RGS6: variants seen among roughly 807,000 people sequenced by gnomAD.
RGS6 encodes the protein regulator of G protein signaling 6.
A neutral mutation model predicts 78.5 loss-of-function variants in RGS6; 30 were observed. The ratio of observed to expected loss-of-function variants is 0.38; its 90% CI spans 0.29 to 0.52. RGS6 has a LOEUF of 0.52. RGS6 is among the 20% of genes least tolerant of loss of function. RGS6 has a pLI of 0.85. For missense variants in RGS6, 495 were observed against 609.7 expected, an observed-to-expected ratio of 0.81 and a Z score of 1.98; for synonymous variants, 206 against 206.0, an observed-to-expected ratio of 1.00 and a Z score of 0.00.
the RGS6 span, among the ~76,000 whole-genome samples, chr14:71,876,929 T>C: frequency 6.6e-6 from 1 of 152,190 alleles, no homozygotes; most frequent in Admixed American, 6.5e-5. Context: ...TCTCCTTCAC[T>C]TATGAAGCTT....
intron 3 of RGS6, among the ~76,000 whole-genome samples, chr14:72,401,902 G>A (rs1053164795): frequency 6.6e-6 from 1 of 152,184 alleles, no homozygotes; most frequent in African/African-American, 2.4e-5. Context: ...GAAACAGATG[G>A]CTCACTAAAG....
chr14:72,501,777 C>T (rs1417644929), intron 13 of RGS6, among the ~76,000 whole-genome samples: 1 of 152,204 alleles, frequency 6.6e-6, no homozygotes, highest in African/African-American at 2.4e-5. Context: ...TTCAGTTTAG[C>T]TCTCCCTCTC....
At chr14:72,082,321 C>T (rs895697030) in intron 2 of RGS6, among the ~76,000 whole-genome samples, 2 of 151,976 alleles carry the variant, frequency 1.3e-5, no homozygotes, top group African/African-American at 4.8e-5. Context: ...TTAATTTCAT[C>T]CATGTTTTAT....
intron 17 of RGS6, 65 bp downstream of exon 17, chr14:72,540,159 T>A: frequency 9.5e-7 from 1 of 1,053,330 alleles, no homozygotes; most frequent in Non-Finnish European, 1.3e-6. Flanking sequence ...TTCTTCTTCT[T>A]TTTTTTTTTT....
At chr14:72,582,816 G>A in the RGS6 span, among the ~76,000 whole-genome samples, 1 of 152,148 alleles carries the variant, frequency 6.6e-6, no homozygotes, top group African/African-American at 2.4e-5. Context: ...TCATCATGGT[G>A]TGATGATTGA....
At chr14:72,027,339 CT>C (rs1395259018) in intron 2 of RGS6, among the ~76,000 whole-genome samples, 2 of 152,124 alleles carry the variant, frequency 1.3e-5, no homozygotes, top group Non-Finnish European at 2.9e-5. Flanking sequence ...GAGTCTCTTA[CT>C]TTATACCTTA....
intron 2 of RGS6, among the ~76,000 whole-genome samples, chr14:71,979,778 T>G (rs372575028): frequency 6.6e-6 from 1 of 152,138 alleles, no homozygotes; most frequent in African/African-American, 2.4e-5. Context: ...CTATTAGGTC[T>G]GCTTGGTGCA....
chr14:72,131,985 A>G (rs2096329768), intron 2 of RGS6, among the ~76,000 whole-genome samples: 1 of 152,118 alleles, frequency 6.6e-6, no homozygotes, highest in Non-Finnish European at 1.5e-5. Context: ...AGAGGCCACC[A>G]TCCTAGAAAT....
chr14:72,600,570 G>GACAC, the RGS6 span, among the ~76,000 whole-genome samples: 50 of 148,632 alleles, frequency 3.4e-4, no homozygotes, highest in South Asian at 6.5e-4. Flanking sequence ...AAGCCAGGCA[G>GACAC]ACACACACAC....
intron 3 of RGS6, among the ~76,000 whole-genome samples, chr14:72,365,596 A>T (rs1158918092): frequency 1.3e-5 from 2 of 152,324 alleles, no homozygotes; most frequent in East Asian, 3.9e-4. Flanking sequence ...TGAAGGATCC[A>T]TACAGAGCCT....
At chr14:71,905,206 A>G in the RGS6 span, among the ~76,000 whole-genome samples, 1 of 152,310 alleles carries the variant, frequency 6.6e-6, no homozygotes, top group East Asian at 1.9e-4. Context: ...CAATAAAGAG[A>G]GCTACACGGA....
At chr14:71,879,089 C>T in the RGS6 span, among the ~76,000 whole-genome samples, 3 of 151,888 alleles carry the variant, frequency 2.0e-5, no homozygotes, top group Admixed American at 2.0e-4. Flanking sequence ...TATGCTGATC[C>T]CGATGTTTAC....
At chr14:72,118,690 C>T (rs1375335685) in intron 2 of RGS6, among the ~76,000 whole-genome samples, 5 of 152,170 alleles carry the variant, frequency 3.3e-5, no homozygotes, top group Non-Finnish European at 5.9e-5. Context: ...CTTTGTGTGA[C>T]AGGCCCAATG....
chr14:72,548,943 G>C (rs576018859), intron 17 of RGS6, among the ~76,000 whole-genome samples: 1 of 152,374 alleles, frequency 6.6e-6, no homozygotes, highest in South Asian at 2.1e-4. Flanking sequence ...GGATAGTGCA[G>C]AGTAGGTTTC....
At chr14:72,458,162 A>G in intron 4 of RGS6, 109 bp from the exon 5 acceptor site, 1 of 805,250 alleles carries the variant, frequency 1.2e-6, no homozygotes, top group East Asian at 2.6e-5. Context: ...TTGTATCATC[A>G]ACACAGACAT....
chr14:72,478,063 G>T (rs960580958), intron 11 of RGS6, among the ~76,000 whole-genome samples: 1 of 152,116 alleles, frequency 6.6e-6, no homozygotes, highest in African/African-American at 2.4e-5. Context: ...TGAGACAAAG[G>T]CTAAATTGCA....
chr14:71,988,844 T>G (rs1189589826), intron 2 of RGS6, among the ~76,000 whole-genome samples: 1 of 152,166 alleles, frequency 6.6e-6, no homozygotes, highest in Admixed American at 6.5e-5. Context: ...TAGAAACAAG[T>G]GCACATTCCT....
chr14:72,434,677 T>C (rs940258935), intron 3 of RGS6, among the ~76,000 whole-genome samples: 6 of 152,224 alleles, frequency 3.9e-5, no homozygotes, highest in Non-Finnish European at 8.8e-5. Context: ...TACTTGGCAT[T>C]GTATCCAGCA....
intron 2 of RGS6, among the ~76,000 whole-genome samples, chr14:72,056,812 A>G (rs2093641273): frequency 6.6e-6 from 1 of 152,208 alleles, no homozygotes; most frequent in Non-Finnish European, 1.5e-5. Context: ...ATGAAACACA[A>G]TAAACTTTTA....
Sources: allele counts gnomAD v4.1 joint callset (sites outside exome capture counted in the v4.1 genomes callset), GRCh38; gene constraint gnomAD v4.1.1; transcripts MANE v1.5; gene names NCBI Gene and HGNC (gene_info 2026-07-23, HGNC 2026-07-21).